Variants in MLLT3 observed in about 807,000 individuals in gnomAD.
The protein encoded by MLLT3 is protein AF-9.
Under a neutral mutation model 53.2 loss-of-function variants are expected in MLLT3, and 4 were observed. The observed-to-expected ratio is 0.08, with a 90% CI of 0.04 to 0.17. The LOEUF (loss-of-function observed/expected upper bound fraction) is 0.17. Ranked by LOEUF, MLLT3 falls within the 10% of genes least tolerant of loss-of-function variation. The probability of loss-of-function intolerance (pLI) is 1.00; values close to 1 mark genes in which losing one functional copy is unlikely to be tolerated. For synonymous variants in MLLT3, 283 were observed against 230.6 expected, an observed-to-expected ratio of 1.23 and a Z score of -2.06; for missense variants, 569 against 684.0, an observed-to-expected ratio of 0.83 and a Z score of 1.87.
intron 2 of MLLT3, among the ~76,000 whole-genome samples, chr9:20,565,910 A>ATATATATATATTTATATATATATATATT (rs1819343323): frequency 8.4e-6 from 1 of 119,308 alleles, no homozygotes; most frequent in Non-Finnish European, 1.6e-5. Context: ...CAAGGAAAAA[A>ATATATATATATTTATATATATATATATT]TATATATATA....
At chr9:20,520,720 C>A (rs1447203449) in intron 2 of MLLT3, among the ~76,000 whole-genome samples, 1 of 152,128 alleles carries the variant, frequency 6.6e-6, no homozygotes, top group Non-Finnish European at 1.5e-5. Flanking sequence ...ATTAGGAGCA[C>A]AAGTTAGCCA....
At chr9:20,530,660 G>A (rs1818308818) in intron 2 of MLLT3, among the ~76,000 whole-genome samples, 1 of 152,162 alleles carries the variant, frequency 6.6e-6, no homozygotes, top group South Asian at 2.1e-4. Flanking sequence ...GATTCCAAAA[G>A]TCCTGTATAA....
intron 2 of MLLT3, among the ~76,000 whole-genome samples, chr9:20,554,719 A>T (rs1001267790): frequency 6.6e-6 from 1 of 152,212 alleles, no homozygotes; most frequent in African/African-American, 2.4e-5. Context: ...AAATGTATAT[A>T]GCTATTAAGT....
At chr9:20,521,445 G>C (rs775140387) in intron 2 of MLLT3, among the ~76,000 whole-genome samples, 1 of 132,370 alleles carries the variant, frequency 7.6e-6, no homozygotes, top group Non-Finnish European at 1.6e-5. Flanking sequence ...ACTCTCTCTC[G>C]CTGTGTGTGT....
At chr9:20,590,882 G>C (rs894668217) in intron 2 of MLLT3, among the ~76,000 whole-genome samples, 1 of 151,538 alleles carries the variant, frequency 6.6e-6, no homozygotes, top group Non-Finnish European at 1.5e-5. Context: ...ATGGATGATG[G>C]ACATGCATCA....
chr9:20,617,878 T>A (rs905496939), intron 2 of MLLT3, among the ~76,000 whole-genome samples: 1 of 152,186 alleles, frequency 6.6e-6, no homozygotes, highest in Non-Finnish European at 1.5e-5. Context: ...ATAATTCTCA[T>A]TAAGCAACAA....
At chr9:20,397,233 G>A (rs1208316939) in intron 5 of MLLT3, among the ~76,000 whole-genome samples, 1 of 152,052 alleles carries the variant, frequency 6.6e-6, no homozygotes, top group African/African-American at 2.4e-5. Context: ...TCCCCATCAG[G>A]TTTCAACTTA....
At chr9:20,558,930 C>G (rs191496126) in intron 2 of MLLT3, among the ~76,000 whole-genome samples, 323 of 152,310 alleles carry the variant, frequency 2.1e-3, no homozygotes, top group Non-Finnish European at 3.7e-3. Context: ...TTTCTCATAG[C>G]TTAGTCACAG....
chr9:20,408,650 G>T (rs1033798695), intron 5 of MLLT3, among the ~76,000 whole-genome samples: 6 of 152,050 alleles, frequency 3.9e-5, no homozygotes, highest in African/African-American at 1.4e-4. Flanking sequence ...CATACTTACA[G>T]ACTTTACAGC....
At chr9:20,428,865 T>C (rs1279253712) in intron 4 of MLLT3, among the ~76,000 whole-genome samples, 2 of 152,042 alleles carry the variant, frequency 1.3e-5, no homozygotes, top group African/African-American at 4.8e-5. Context: ...ATAATTTTAT[T>C]GCAACAAATG....
At chr9:20,502,090 A>AT (rs938060629) in intron 2 of MLLT3, among the ~76,000 whole-genome samples, 1 of 119,456 alleles carries the variant, frequency 8.4e-6, no homozygotes, top group Non-Finnish European at 1.9e-5. Flanking sequence ...TCAAAAAAAA[A>AT]AAAGGGGGGG....
chr9:20,459,562 G>T (rs1341729534), intron 2 of MLLT3, among the ~76,000 whole-genome samples: 1 of 152,314 alleles, frequency 6.6e-6, no homozygotes, highest in East Asian at 1.9e-4. Flanking sequence ...TCATTGGAAG[G>T]TAGTTTATTT....
intron 5 of MLLT3, among the ~76,000 whole-genome samples, chr9:20,370,422 C>T (rs530575877): frequency 2.0e-5 from 3 of 152,158 alleles, no homozygotes; most frequent in Admixed American, 2.0e-4. Context: ...CCTTGGGTCT[C>T]CCTATTCCCT....
rs1822796904 is a variant in MLLT3 at position 20,413,941 on chromosome 9, C to T, written c.905G>A (p.Ser302Asn). 6.2e-7 allele frequency: 1 copy of T among 1,613,608 alleles called. No individual in the cohort carries two copies. Among genetic ancestry groups the T allele is most frequent in the Admixed American group, 1.7e-5 (1 of 59,864 alleles). ...AAAACTTTTAAATAAAGCCTCTGAG[C>T]TACTCTTTTTCCTTTTTTTGGCTGA... ...ELSAKKRKKS[S>N]SEALFKSFSS... is the part of the protein sequence containing the mutation. The change falls in exon 5 of 11, where the codon AGC (serine) becomes AAC (asparagine). Residue 302 changes from serine to asparagine, a missense_variant. Ser to Asn is a conservative substitution (Grantham distance 46, BLOSUM62 1). This residue lies in a region of MLLT3 where 437 missense variants were observed against 376.5 expected (regional missense o/e 1.16). Coordinates refer to ENST00000380338, the MANE Select transcript of MLLT3 (RefSeq NM_004529.4).
rs554518219 is a variant in MLLT3, at chr9:20,532,320, T to A, written c.194-75534A>T. On this transcript the variant is annotated intron_variant, in intron 2 of 10. Coordinates refer to ENST00000380338, the MANE Select transcript of MLLT3 (RefSeq NM_004529.4). ...AATGTAAAAAAATAGGAAAAAAAAA[T>A]ATATATATATAAATCACTCAAACCA... 2.6e-3 allele frequency among the ~76,000 whole-genome samples: 359 copies of A among 139,772 alleles called. 2 individuals are homozygous for A. Among genetic ancestry groups the A allele is most frequent in the South Asian group, 4.8e-3 (20 of 4,194 alleles). 91.7% of individuals were successfully genotyped at this position (139,772 alleles called of 152,430 possible).
chr9:20,346,599 T>A (rs144605915), intron 10 of MLLT3, 25 bp from the exon 11 acceptor site: 1 of 1,607,934 alleles, frequency 6.2e-7, no homozygotes, highest in African/African-American at 1.3e-5. Flanking sequence ...AAGAGAAAGT[T>A]TGGGCAATAC....
At chr9:20,512,013 C>G (rs1817763534) in intron 2 of MLLT3, among the ~76,000 whole-genome samples, 1 of 152,124 alleles carries the variant, frequency 6.6e-6, no homozygotes, top group Admixed American at 6.5e-5. Context: ...GTTGACCTTG[C>G]TGGAGCAATA....
chr9:20,615,360 GAAAAAAAAAAAAAAAAAAAA>G (rs10601830), intron 2 of MLLT3, among the ~76,000 whole-genome samples: 3 of 48,774 alleles, frequency 6.2e-5, no homozygotes, highest in African/African-American at 1.4e-4. Flanking sequence ...CAGACCATGT[GAAAAAAAAAAAAAAAAAAAA>G]AAAAAAAAAA....
rs866987773 is a variant in MLLT3, at chr9:20,565,938, T to G, written c.193+54716A>C. On this transcript the variant is annotated intron_variant, in intron 2 of 10. Coordinates refer to ENST00000380338, the MANE Select transcript of MLLT3 (RefSeq NM_004529.4). ...TATATATATTTATATATATATATAT[T>G]TATATATATATATATTTATATATAT... is the stretch of plus-strand genomic sequence containing the variant. Among the ~76,000 whole-genome samples the G allele has an allele frequency of 8.0e-4, 10 of 12,558 alleles. 1 individual carries two copies. The Admixed American group carries it at 0.012, about 15-fold the overall frequency. 8.2% of individuals were successfully genotyped at this position (12,558 alleles called of 152,430 possible). A position where few individuals can be genotyped will look rare whatever the true frequency, so the allele number is the denominator to read the frequency against.
Sources: allele counts gnomAD v4.1 joint callset (sites outside exome capture counted in the v4.1 genomes callset), GRCh38; gene constraint gnomAD v4.1.1; regional missense constraint gnomAD v4.1.1; transcripts MANE v1.5; gene names NCBI Gene and HGNC (gene_info 2026-07-23, HGNC 2026-07-21).